The following CSF1 variants were observed in gnomAD, a reference collection of about 807,000 sequenced individuals.
CSF1 encodes macrophage colony-stimulating factor 1.
A neutral mutation model predicts 48.9 loss-of-function variants in CSF1; 9 were observed. The observed-to-expected ratio is 0.18, with a 90% CI of 0.11 to 0.32. The LOEUF is 0.32. CSF1 is among the 10% of genes least tolerant of loss of function. The pLI is 1.00. For missense variants in CSF1, 672 were observed against 697.9 expected, an observed-to-expected ratio of 0.96 and a Z score of 0.42; for synonymous variants, 305 against 284.1, an observed-to-expected ratio of 1.07 and a Z score of -0.74.
intron 7 of CSF1, 55 bp downstream of exon 7, chr1:109,924,883 TTTCCCCTC>T: frequency 6.5e-7 from 1 of 1,543,508 alleles, no homozygotes. Context: ...TTGGGATCTG[TTTCCCCTC>T]TTCGTGGTGG....
intron 5 of CSF1, 110 bp from the exon 6 acceptor site, chr1:109,923,056 C>T (rs576172550): frequency 1.1e-5 from 12 of 1,071,444 alleles, no homozygotes; most frequent in Middle Eastern, 2.1e-4. Flanking sequence ...AGATGAGGGC[C>T]CCCCAGACTC....
intron 1 of CSF1, among the ~76,000 whole-genome samples, chr1:109,913,916 A>T (rs572638353): frequency 6.6e-6 from 1 of 152,356 alleles, no homozygotes; most frequent in South Asian, 2.1e-4. Flanking sequence ...AAATGGGTAG[A>T]TGCAAGTCCT....
intron 8 of CSF1, among the ~76,000 whole-genome samples, chr1:109,926,989 G>A (rs559277324): frequency 6.6e-6 from 1 of 152,282 alleles, no homozygotes; most frequent in East Asian, 1.9e-4. Flanking sequence ...TAACTGACCA[G>A]CCTCTAGCTG....
intron 2 of CSF1, among the ~76,000 whole-genome samples, chr1:109,914,747 G>A (rs1654827193): frequency 3.3e-5 from 5 of 152,262 alleles, no homozygotes; most frequent in African/African-American, 1.2e-4. Flanking sequence ...GCGGCCTGCT[G>A]TGTCCAGATG....
chr1:109,924,393 G>A (rs141401408), intron 6 of CSF1, among the ~76,000 whole-genome samples: 69 of 152,264 alleles, frequency 4.5e-4, no homozygotes, highest in African/African-American at 1.7e-3. Context: ...AAGGTCAATG[G>A]GAAGGGACTG....
intron 7 of CSF1, 33 bp downstream of exon 7, chr1:109,924,861 T>C (rs1355410843): frequency 6.3e-7 from 1 of 1,594,248 alleles, no homozygotes; most frequent in African/African-American, 1.3e-5. Flanking sequence ...TGGGAGGCAC[T>C]GGGGGCCTGG....
At chr1:109,915,407 G>A (rs1654856929) in intron 2 of CSF1, among the ~76,000 whole-genome samples, 1 of 152,136 alleles carries the variant, frequency 6.6e-6, no homozygotes, top group Non-Finnish European at 1.5e-5. Flanking sequence ...ATTTCGTGGG[G>A]TGGTAGAAGG....
At chr1:109,921,408 T>A (rs1388502326) in intron 4 of CSF1, among the ~76,000 whole-genome samples, 1 of 152,254 alleles carries the variant, frequency 6.6e-6, no homozygotes, top group East Asian at 1.9e-4. Flanking sequence ...CTTTCCTGGT[T>A]TCTCTTGCTC....
rs541960346 is a variant in CSF1 at position 109,923,827 on chromosome 1, T to C, written c.1206T>C (p.Ser402=). ...TCAGAGACCCCCCGGAGCCAGGCTC[T>C]CCCAGGATCTCATCACTGCGCCCCC... ...ALLRDPPEPG[S]PRISSLRPQG... The change falls in exon 6 of 9, where the codon TCT becomes TCC. Residue 402 remains serine (S), a synonymous_variant. Coordinates refer to ENST00000329608, the MANE Select transcript of CSF1 (RefSeq NM_000757.6). The C allele has an allele frequency of 3.1e-6, 5 of 1,612,944 alleles. No homozygotes were observed. In the South Asian group the frequency reaches 5.5e-5, roughly 18 times the overall value.
rs764243383 is a variant in CSF1, at chr1:109,925,151, C to G, written c.1627C>G (p.Leu543Val). 1.2e-6 allele frequency: 2 copies of G among 1,613,954 alleles called. No individual in the cohort carries two copies. ...AGCCCTGTGCTCTGCCTGCAGCCCC[C>G]TGACTCAGGATGACAGACAGGTGGA... is the stretch of plus-strand genomic sequence containing the variant. ...SPLEQPEGSP[L>V]TQDDRQVELP... The change falls in exon 8 of 9, where the codon CTG becomes GTG. Residue 543 changes from leucine (L) to valine (V), a missense_variant. Leu to Val is a conservative substitution (Grantham distance 32). Transcript: ENST00000329608.
At chr1:109,916,446 C>A (rs950441141) in intron 3 of CSF1, among the ~76,000 whole-genome samples, 1 of 152,204 alleles carries the variant, frequency 6.6e-6, no homozygotes, top group African/African-American at 2.4e-5. Context: ...TACACCAGGT[C>A]TAGCCATTCT....
At chr1:109,921,394 A>T (rs538588519) in intron 4 of CSF1, among the ~76,000 whole-genome samples, 1 of 152,168 alleles carries the variant, frequency 6.6e-6, no homozygotes, top group South Asian at 2.1e-4. Flanking sequence ...CTGGGATCCC[A>T]TCTCTTTCCT....
intron 4 of CSF1, 57 bp from the exon 5 acceptor site, chr1:109,921,790 A>G: frequency 2.0e-6 from 3 of 1,474,636 alleles, no homozygotes; most frequent in Non-Finnish European, 2.7e-6. Context: ...GACAAATAAG[A>G]TGGAGACATG....
Position 109,912,819 on chromosome 1 carries a change from C to T in CSF1, c.40-1440C>T, listed in dbSNP as rs902501919. 8.5e-5 allele frequency among the ~76,000 whole-genome samples: 13 copies of T among 152,300 alleles called. 1 individual carries two copies. The highest frequency in any genetic ancestry group is 3.4e-3 in the Middle Eastern group (1 of 294). ...TGAGTACCTGGGCCATTATTCCCACCCAGGGCAACCTCCCCAACAGAGCCT... is the reference window on the plus strand; with the variant it reads ...TGAGTACCTGGGCCATTATTCCCACTCAGGGCAACCTCCCCAACAGAGCCT... On this transcript the variant is annotated intron_variant, in intron 1 of 8. Coordinates refer to ENST00000329608, the MANE Select transcript of CSF1 (RefSeq NM_000757.6).
rs747040375 is a variant in CSF1, at chr1:109,923,894, C to A, written c.1273C>A (p.Leu425Ile). 4.3e-6 allele frequency: 7 copies of A among 1,614,014 alleles called. No individual in the cohort carries two copies. Among genetic ancestry groups the A allele is most frequent in the Non-Finnish European group, 5.9e-6 (7 of 1,179,948 alleles). ...CTCCACCCTCTCTGCTCAGCCACAG[C>A]TTTCCAGAAGCCACTCCTCGGGCAG... ...NPSTLSAQPQ[L>I]SRSHSSGSVL... The change falls in exon 6 of 9, where the codon CTT becomes ATT. Residue 425 changes from leucine to isoleucine, a missense_variant. Coordinates refer to ENST00000329608, the MANE Select transcript of CSF1 (RefSeq NM_000757.6).
intron 2 of CSF1, 128 bp from the exon 3 acceptor site, chr1:109,915,506 G>T (rs112465705): frequency 2.6e-5 from 19 of 738,074 alleles, no homozygotes; most frequent in Non-Finnish European, 4.4e-5. Context: ...GTCTTTCCAC[G>T]TGTGGTTGGC....
At chr1:109,924,319 T>C in intron 6 of CSF1, 129 bp downstream of exon 6, 2 of 771,884 alleles carry the variant, frequency 2.6e-6, no homozygotes, top group Non-Finnish European at 2.0e-6. Context: ...AGGGGCTGGC[T>C]CAGCACAGAG....
chr1:109,913,509 G>A (rs181035921), intron 1 of CSF1, among the ~76,000 whole-genome samples: 9 of 152,374 alleles, frequency 5.9e-5, no homozygotes, highest in Admixed American at 2.0e-4. Context: ...GGGCCAGGTA[G>A]GTGCTGGGAG....
rs913716841 is a variant in CSF1, at chr1:109,911,045, G to A, written c.22G>A (p.Gly8Arg). The A allele has an allele frequency of 2.2e-4, 249 of 1,132,664 alleles. No individual in the cohort carries two copies. Among genetic ancestry groups the A allele is most frequent in the Non-Finnish European group, 2.5e-4 (233 of 925,312 alleles). 70.2% of individuals were successfully genotyped at this position (1,132,664 alleles called of 1,614,324 possible). A position where few individuals can be genotyped will look rare whatever the true frequency, so the allele number is the denominator to read the frequency against. The change falls in exon 1 of 9, where the codon GGG (glycine) becomes AGG (arginine). Residue 8 changes from glycine (G) to arginine (R), a missense_variant. This residue lies in a region of CSF1 where 53 missense variants were observed against 45.5 expected (regional missense o/e 1.17). Coordinates refer to ENST00000329608, the MANE Select transcript of CSF1 (RefSeq NM_000757.6). MTAPGAA[G>R]RCPPTTWLGS... Reference sequence around the variant, plus strand: ...CCGTATGACCGCGCCGGGCGCCGCCGGGCGCTGCCCTCCCACGGTAAGCGA... The same window carrying A: ...CCGTATGACCGCGCCGGGCGCCGCCAGGCGCTGCCCTCCCACGGTAAGCGA...
Sources: gnomAD v4.1 joint callset for allele counts (sites outside exome capture counted in the v4.1 genomes callset) on GRCh38, gnomAD v4.1.1 for gene constraint, gnomAD v4.1.1 regional missense constraint, MANE v1.5 for transcripts, NCBI Gene and HGNC (gene_info 2026-07-23, HGNC 2026-07-21) for gene names.